The following CFAP20DC variants were observed in gnomAD, a reference collection of about 807,000 sequenced individuals.
CFAP20DC encodes CFAP20 domain containing, also known as protein CFAP20DC.
Under a neutral mutation model 101.7 loss-of-function variants are expected in CFAP20DC, and 84 were observed. That is an observed-to-expected ratio of 0.83 (90% CI 0.69 to 0.99). The LOEUF is 0.99. CFAP20DC is among the 50% of genes least tolerant of loss of function. CFAP20DC has a pLI of 0.00. For missense variants in CFAP20DC, 1,007 were observed against 970.3 expected, an observed-to-expected ratio of 1.04 and a Z score of -0.50; for synonymous variants, 359 against 351.2, an observed-to-expected ratio of 1.02 and a Z score of -0.25.
chr3:58,848,522 C>T lies in CFAP20DC; in HGVS notation c.1971+510G>A, dbSNP rs754001997. On this transcript the variant is annotated intron_variant, in intron 13 of 16. Coordinates refer to ENST00000482387, the MANE Select transcript of CFAP20DC (RefSeq NM_001394063.1). ...AAGGAAAAAATCAATCTGATGGACA[C>T]GAATACAGCCACCAAACTAGCCGAG... Among the ~76,000 whole-genome samples the T allele has an allele frequency of 5.9e-5, 9 of 152,132 alleles. No individual in the cohort carries two copies. The South Asian group carries it at 1.2e-3, about 21-fold the overall frequency.
chr3:59,017,955 A>C (rs558879877), intron 4 of CFAP20DC: 2 of 152,246 alleles, frequency 1.3e-5, no homozygotes, highest in African/African-American at 4.8e-5. Context: ...TAGCATCCCA[A>C]ACAAGAGTCA....
chr3:58,890,372 A>G (rs1576161470), intron 6 of CFAP20DC, among the ~76,000 whole-genome samples: 1 of 131,330 alleles, frequency 7.6e-6, no homozygotes, highest in Non-Finnish European at 1.6e-5. Flanking sequence ...CTCACTTCCC[A>G]GTAGGGGCGG....
At chr3:58,926,480 A>G (rs2085988162) in intron 5 of CFAP20DC, among the ~76,000 whole-genome samples, 2 of 152,252 alleles carry the variant, frequency 1.3e-5, no homozygotes, top group African/African-American at 4.8e-5. Flanking sequence ...AATGAATTCT[A>G]GGTTAGAATG....
At chr3:58,725,841 C>A in intron 3 of CFAP20DC, 1 of 206,856 alleles carries the variant, frequency 4.8e-6, no homozygotes, top group South Asian at 9.9e-5. Context: ...TCAGGCATCT[C>A]TGGATCCATC....
At chr3:58,811,696 T>C (rs1022186286) in intron 14 of CFAP20DC, among the ~76,000 whole-genome samples, 20 of 152,136 alleles carry the variant, frequency 1.3e-4, no homozygotes, top group African/African-American at 4.3e-4. Context: ...AAAGCCAAAA[T>C]TGACAAATGG....
Position 59,006,736 on chromosome 3 carries a change from A to G in CFAP20DC, c.278+32821T>C, listed in dbSNP as rs1482746511. 1.3e-5 allele frequency among the ~76,000 whole-genome samples: 2 copies of G among 152,202 alleles called. No homozygotes were observed. The highest frequency in any genetic ancestry group is 4.8e-5 in the African/African-American group (2 of 41,464). On this transcript the variant is annotated intron_variant, in intron 4 of 16. Coordinates refer to ENST00000482387, the MANE Select transcript of CFAP20DC (RefSeq NM_001394063.1). This position sits in a 1 kb window ranked among gnomAD's most constrained non-coding sequence, Gnocchi z 4.3. ...GCCCTAGGGGAAGACAGCCAGCAGAATTAGGGAGGGGTCACAAGATGAATG... is the reference window on the plus strand; with the variant it reads ...GCCCTAGGGGAAGACAGCCAGCAGAGTTAGGGAGGGGTCACAAGATGAATG...
intron 4 of CFAP20DC, among the ~76,000 whole-genome samples, chr3:58,956,886 A>G (rs1341942621): frequency 1.3e-5 from 2 of 152,156 alleles, no homozygotes; most frequent in East Asian, 3.9e-4. Context: ...TAAAACCATC[A>G]TATCTCGTGA....
At chr3:58,944,222 G>C (rs1178902300) in intron 4 of CFAP20DC, among the ~76,000 whole-genome samples, 1 of 152,008 alleles carries the variant, frequency 6.6e-6, no homozygotes, top group Non-Finnish European at 1.5e-5. Context: ...GAAATACAGA[G>C]ACCACCACAA....
chr3:58,716,675 T>C (rs1421088432), downstream of CFAP20DC, among the ~76,000 whole-genome samples: 1 of 151,790 alleles, frequency 6.6e-6, no homozygotes, highest in Non-Finnish European at 1.5e-5. Context: ...CTGCTAAAGG[T>C]TCCAAGCAGC....
At chr3:58,927,440 T>C (rs1006552739) in intron 5 of CFAP20DC, among the ~76,000 whole-genome samples, 6 of 152,192 alleles carry the variant, frequency 3.9e-5, no homozygotes, top group African/African-American at 1.4e-4. Context: ...TCCACCTGCA[T>C]ACCTTATGAG....
chr3:59,039,747 A>G, intron 3 of CFAP20DC, 118 bp from the exon 4 acceptor site: 1 of 563,130 alleles, frequency 1.8e-6, no homozygotes, highest in Non-Finnish European at 3.0e-6. Context: ...AATACATAGA[A>G]CTGCAAATAG....
At chr3:58,877,091 G>T (rs1246382613) in intron 7 of CFAP20DC, among the ~76,000 whole-genome samples, 1 of 152,146 alleles carries the variant, frequency 6.6e-6, no homozygotes, top group Non-Finnish European at 1.5e-5. Context: ...AGGGAGTAAT[G>T]CTATTAATAC....
At chr3:58,878,478 CT>C (rs896542461) in intron 7 of CFAP20DC, among the ~76,000 whole-genome samples, 9 of 152,078 alleles carry the variant, frequency 5.9e-5, no homozygotes, top group African/African-American at 1.9e-4. Flanking sequence ...AATTAGCCTA[CT>C]TTTTTTCTTT....
At chr3:58,772,167 G>C (rs2070909956) in intron 15 of CFAP20DC, among the ~76,000 whole-genome samples, 1 of 151,992 alleles carries the variant, frequency 6.6e-6, no homozygotes, top group Non-Finnish European at 1.5e-5. Context: ...TTGCCTCAAG[G>C]GTCTTACACT....
chr3:58,995,485 C>A (rs905416080), intron 4 of CFAP20DC, among the ~76,000 whole-genome samples: 1 of 151,328 alleles, frequency 6.6e-6, no homozygotes, highest in African/African-American at 2.4e-5. Context: ...AGAAAAAAAT[C>A]TTTTTTAAGA....
chr3:58,792,264 A>G (rs536586846), intron 15 of CFAP20DC, among the ~76,000 whole-genome samples: 106 of 152,320 alleles, frequency 7.0e-4, no homozygotes, highest in African/African-American at 2.5e-3. Context: ...AGCCCTGGAC[A>G]TGCCAAAGTA....
chr3:58,769,635 T>C (rs2070658461), intron 15 of CFAP20DC, among the ~76,000 whole-genome samples: 2 of 151,894 alleles, frequency 1.3e-5, no homozygotes, highest in African/African-American at 4.8e-5. Context: ...TAACAGGAGC[T>C]GAAAAGGCAG....
Position 58,928,377 on chromosome 3 carries a change from T to G in CFAP20DC, c.393+9271A>C, listed in dbSNP as rs1335325506. ...GTAGCATCTATAGATCAGACAGGAC[T>G]TATAATCCTTATCTAGGACTTACTC... On this transcript the variant is annotated intron_variant, in intron 5 of 16. Coordinates refer to ENST00000482387, the MANE Select transcript of CFAP20DC (RefSeq NM_001394063.1). 2.0e-5 allele frequency among the ~76,000 whole-genome samples: 3 copies of G among 152,200 alleles called. No homozygotes were observed. In the East Asian group the frequency reaches 5.8e-4, roughly 29 times the overall value.
chr3:58,742,706 G>T (rs918437773), intron 16 of CFAP20DC, 134 bp from the exon 17 acceptor site: 18 of 493,042 alleles, frequency 3.7e-5, no homozygotes, highest in Non-Finnish European at 6.3e-5. Flanking sequence ...AGGCCTGAAG[G>T]AAGAGCACTG....
Sources: allele counts gnomAD v4.1 joint callset (sites outside exome capture counted in the v4.1 genomes callset), GRCh38; gene constraint gnomAD v4.1.1; non-coding constraint Gnocchi (gnomAD v3.1); transcripts MANE v1.5; gene names NCBI Gene and HGNC (gene_info 2026-07-23, HGNC 2026-07-21).